FHOD3: variants seen among roughly 807,000 people sequenced by gnomAD.
The protein encoded by FHOD3 is formin homology 2 domain containing 3.
A neutral mutation model predicts 173.0 loss-of-function variants in FHOD3; 90 were observed. That is an observed-to-expected ratio of 0.52 (90% confidence interval 0.44 to 0.62). FHOD3 has a LOEUF of 0.62. FHOD3 is among the 20% of genes least tolerant of loss of function. FHOD3 has a pLI of 0.00. For missense variants in FHOD3, 1,945 were observed against 2,034.7 expected, an observed-to-expected ratio of 0.96 and a Z score of 0.85; for synonymous variants, 828 against 823.0, an observed-to-expected ratio of 1.01 and a Z score of -0.10.
At chr18:36,514,011 A>ATTTTTTTTTTTTTT in intron 5 of FHOD3, among the ~76,000 whole-genome samples, 1 of 65,612 alleles carries the variant, frequency 1.5e-5, no homozygotes, top group South Asian at 5.3e-4. Flanking sequence ...TGCTATTTCT[A>ATTTTTTTTTTTTTT]TTCTTTTTTT....
At chr18:36,485,004 C>T (rs2054119914) in intron 3 of FHOD3, among the ~76,000 whole-genome samples, 1 of 152,114 alleles carries the variant, frequency 6.6e-6, no homozygotes, top group African/African-American at 2.4e-5. Flanking sequence ...CAACTTCATT[C>T]CCGGTGATCA....
At chr18:36,582,068 T>C (rs1451119628) in intron 6 of FHOD3, among the ~76,000 whole-genome samples, 2 of 152,214 alleles carry the variant, frequency 1.3e-5, no homozygotes, top group Non-Finnish European at 2.9e-5. Flanking sequence ...GCTAGAAATA[T>C]GGCAGTGCCA....
intron 5 of FHOD3, among the ~76,000 whole-genome samples, chr18:36,552,174 G>A (rs538096967): frequency 6.6e-6 from 1 of 152,150 alleles, no homozygotes; most frequent in South Asian, 2.1e-4. Flanking sequence ...TTATTTCATT[G>A]AGCAGTGGTT....
chr18:36,399,919 G>T (rs772047334), intron 3 of FHOD3, among the ~76,000 whole-genome samples: 32 of 152,304 alleles, frequency 2.1e-4, no homozygotes, highest in Non-Finnish European at 4.0e-4. Context: ...AGGCCTGAGG[G>T]TTCAGGCAGA....
intron 2 of FHOD3, among the ~76,000 whole-genome samples, chr18:36,370,016 AG>A (rs1180428556): frequency 6.6e-6 from 1 of 152,206 alleles, no homozygotes; most frequent in Non-Finnish European, 1.5e-5. Flanking sequence ...ACACAGAAGT[AG>A]TACCTACATC....
intron 3 of FHOD3, among the ~76,000 whole-genome samples, chr18:36,410,990 A>G (rs1191920350): frequency 6.6e-6 from 1 of 152,106 alleles, no homozygotes; most frequent in Admixed American, 6.5e-5. Context: ...ATGTTCTTTT[A>G]AACAGAAAGT....
At chr18:36,597,160 A>C (rs1013674134) in intron 7 of FHOD3, among the ~76,000 whole-genome samples, 2 of 152,172 alleles carry the variant, frequency 1.3e-5, no homozygotes, top group Non-Finnish European at 2.9e-5. Flanking sequence ...CTGAGCTTCC[A>C]GCTCGGAGTT....
At chr18:36,515,763 A>G (rs543499491) in intron 5 of FHOD3, among the ~76,000 whole-genome samples, 1 of 152,334 alleles carries the variant, frequency 6.6e-6, no homozygotes, top group East Asian at 1.9e-4. Flanking sequence ...CCTTGCCTTC[A>G]TATTTTCCTT....
intron 3 of FHOD3, among the ~76,000 whole-genome samples, chr18:36,402,084 A>C (rs191667765): frequency 6.6e-6 from 1 of 152,214 alleles, no homozygotes; most frequent in African/African-American, 2.4e-5. Context: ...TGATTGTTCA[A>C]TTATAGCCCT....
At chr18:36,592,073 G>A (rs562264142) in intron 6 of FHOD3, among the ~76,000 whole-genome samples, 43 of 152,290 alleles carry the variant, frequency 2.8e-4, no homozygotes, top group African/African-American at 1.0e-3. Flanking sequence ...ACAAAAATCA[G>A]CCAGGCATGG....
chr18:36,751,658 C>T (rs1473937708), intron 24 of FHOD3, among the ~76,000 whole-genome samples: 1 of 152,118 alleles, frequency 6.6e-6, no homozygotes, highest in African/African-American at 2.4e-5. Context: ...TCCTTCAATA[C>T]CTAGTTTATC....
At chr18:36,552,299 T>C (rs1292422888) in intron 5 of FHOD3, among the ~76,000 whole-genome samples, 1 of 152,128 alleles carries the variant, frequency 6.6e-6, no homozygotes, top group Non-Finnish European at 1.5e-5. Context: ...GCTCTGTTTG[T>C]CTGTTATGGG....
At chr18:36,760,585 C>T (rs1234626707) in intron 26 of FHOD3, 23 bp from the exon 27 acceptor site, 2 of 1,541,002 alleles carry the variant, frequency 1.3e-6, no homozygotes, top group Non-Finnish European at 1.8e-6. Context: ...CCCTCACCTG[C>T]TAACTTCCCC....
Position 36,627,144 on chromosome 18 carries a change from T to C in FHOD3, c.1196+1395T>C, listed in dbSNP as rs144193034. Among the ~76,000 whole-genome samples, 233 of 152,324 alleles carry C rather than the reference T, an allele frequency of 1.5e-3. 2 individuals are homozygous for C. The highest frequency in any genetic ancestry group is 5.1e-3 in the African/African-American group (212 of 41,570). On this transcript the variant is annotated intron_variant, in intron 10 of 28. Transcript: ENST00000590592. ...CATTGCATTTTGTGATCTAGAATCT[T>C]AAAGAAACTCAGCCAATTCTCAAAG...
intron 28 of FHOD3, chr18:36,779,075 T>C (rs936551462): frequency 4.5e-6 from 1 of 221,158 alleles, no homozygotes; most frequent in Admixed American, 5.4e-5. Flanking sequence ...GATACACTCC[T>C]CATACTGGGT....
rs1368166973 is a variant in FHOD3 at position 36,333,249 on chromosome 18, G to A, written c.166-22290G>A. On this transcript the variant is annotated intron_variant, in intron 1 of 28. Transcript: ENST00000590592. ...GTTCTAATTTTTACTTGCCAAAGGA[G>A]GGAGTGAGGAAATTTAGTCTCAGAG... Among the ~76,000 whole-genome samples the A allele has an allele frequency of 1.3e-5, 2 of 152,188 alleles. 1 individual carries two copies. The highest frequency in any genetic ancestry group is 1.3e-4 in the Admixed American group (2 of 15,280).
At chr18:36,458,582 A>G (rs1025164458) in intron 3 of FHOD3, among the ~76,000 whole-genome samples, 2 of 149,670 alleles carry the variant, frequency 1.3e-5, no homozygotes, top group Admixed American at 6.7e-5. Context: ...TGGCCTGTGG[A>G]TCTTCTGCTA....
chr18:36,363,214 G>A (rs940316011), intron 2 of FHOD3, among the ~76,000 whole-genome samples: 6 of 152,182 alleles, frequency 3.9e-5, no homozygotes, highest in South Asian at 2.1e-4. Flanking sequence ...AAAATGACAC[G>A]GCCACTTTGG....
Position 36,532,011 on chromosome 18 carries a change from C to T in FHOD3, c.511+19468C>T, listed in dbSNP as rs2056802682. Among the ~76,000 whole-genome samples the T allele has an allele frequency of 2.6e-5, 4 of 152,244 alleles. No individual in the cohort carries two copies. In the South Asian group the frequency reaches 8.3e-4, roughly 32 times the overall value. ...CCATTTCTTTCCCTCTGCTCTCCTG[C>T]CTGCCCTCAGCCTCACTGCTGGCCT... On this transcript the variant is annotated intron_variant, in intron 5 of 28. Coordinates refer to ENST00000590592, the MANE Select transcript of FHOD3 (RefSeq NM_001281740.3).
Sources: allele counts gnomAD v4.1 joint callset (sites outside exome capture counted in the v4.1 genomes callset), GRCh38; gene constraint gnomAD v4.1.1; transcripts MANE v1.5; gene names NCBI Gene and HGNC (gene_info 2026-07-23, HGNC 2026-07-21).